Variants in FSIP2 observed in about 807,000 individuals in gnomAD.
The protein encoded by FSIP2 is fibrous sheath interacting protein 2.
A neutral mutation model predicts 510.5 loss-of-function variants in FSIP2; 367 were observed. The ratio of observed to expected loss-of-function variants is 0.72; its 90% CI spans 0.66 to 0.78. FSIP2 has a LOEUF of 0.78. Among genes scored for constraint, FSIP2 ranks in the 30% least tolerant of loss-of-function variants. FSIP2 has a pLI of 0.00. For missense variants in FSIP2, 7,594 were observed against 7,901.7 expected, an observed-to-expected ratio of 0.96 and a Z score of 1.48; for synonymous variants, 2,601 against 2,732.2, an observed-to-expected ratio of 0.95 and a Z score of 1.50.
chr2:185,795,001 CA>C lies in FSIP2; in HGVS notation c.7866del (p.Tyr2623IlefsTer6). The C allele has an allele frequency of 6.5e-7, 1 of 1,533,540 alleles. No homozygotes were observed. The highest frequency in any genetic ancestry group is 1.2e-5 in the South Asian group (1 of 83,748). The allele number at this position is 1,533,540 out of a possible 1,614,324, so 95.0% of individuals were successfully genotyped here. On this transcript the variant is annotated frameshift_variant, in exon 16 of 23. Transcript: ENST00000424728. LOFTEE classifies it high-confidence loss of function. Reference protein sequence around the residue: ...NISVMENTLLPYLPLQVKKDL... With the variant: ...NISVMENTLLXYLPLQVKKDL... ...TCTGTGATGGAAAACACTCTTTTGC[CA>C]TATTTACCATTGCAAGTGAAGAAAG...
At chr2:185,784,366 G>A (rs1692918030) in intron 14 of FSIP2, among the ~76,000 whole-genome samples, 1 of 151,878 alleles carries the variant, frequency 6.6e-6, no homozygotes, top group Admixed American at 6.6e-5. Context: ...TTATTTATTG[G>A]GTAATAGTCT....
rs767970677 is a variant in FSIP2 at position 185,739,286 on chromosome 2, TCTAAA to T, written c.100-50_100-46del. 200 of 1,459,516 alleles carry T rather than the reference TCTAAA, an allele frequency of 1.4e-4. No individual in the cohort carries two copies. In the East Asian group the frequency reaches 3.8e-3, roughly 28 times the overall value. The allele number at this position is 1,459,516 out of a possible 1,614,324, so 90.4% of individuals were successfully genotyped here. On this transcript the variant is annotated intron_variant, in intron 1 of 22. Transcript: ENST00000424728. ...TTTGGTTGCAATGGAAGTAGATTGGTCTAAACTAAACTAATACTGCCTAAAAGGAA... is the reference window on the plus strand; with the variant it reads ...TTTGGTTGCAATGGAAGTAGATTGGTCTAAACTAATACTGCCTAAAAGGAA...
Position 185,743,195 on chromosome 2 carries a change from A to G in FSIP2, c.288A>G (p.Gln96=). 4 of 1,531,008 alleles carry G rather than the reference A, an allele frequency of 2.6e-6. No homozygotes were observed. The highest frequency in any genetic ancestry group is 2.0e-5 in the Admixed American group (1 of 50,132). 94.8% of individuals were successfully genotyped at this position (1,531,008 alleles called of 1,614,324 possible). The part of the protein sequence containing the change: ...TDPYCRLLEN[Q]YKSLHDPHLK... ...CCTATTGTCGACTTTTGGAAAACCAATATAAAAGCCTCCATGATCCACATT... is the reference window on the plus strand; with the variant it reads ...CCTATTGTCGACTTTTGGAAAACCAGTATAAAAGCCTCCATGATCCACATT... Residue 96 remains glutamine, a synonymous_variant, in exon 3 of 23, where the codon CAA becomes CAG. Transcript: ENST00000424728.
In FSIP2 at chr2:185,808,245, G is replaced by A. The variant is rs779891734; in HGVS notation, c.18939G>A (p.Leu6313=). The change falls in exon 17 of 23, where the codon CTG becomes CTA. Residue 6313 remains leucine, a synonymous_variant. Coordinates refer to ENST00000424728, the MANE Select transcript of FSIP2 (RefSeq NM_173651.4). The part of the protein sequence containing the change: ...EEEVSNSELV[L]EAVKIMEKVI... ...AAGTATCAAATTCAGAATTAGTTCT[G>A]GAAGCTGTCAAAATTATGGAAAAAG... is the stretch of plus-strand genomic sequence containing the variant. 23 of 1,603,352 alleles carry A rather than the reference G, an allele frequency of 1.4e-5. 1 individual carries two copies. In the South Asian group the frequency reaches 1.9e-4, roughly 13 times the overall value.
In FSIP2 at chr2:185,761,955, A is replaced by G. The variant is rs1229265318; in HGVS notation, c.1195-17A>G. Reference sequence around the variant, plus strand: ...GTTACTAATGTAATTTTTTCTCTTCAATGTGGTACCATGTAGAGAGATGGG... The same window carrying G: ...GTTACTAATGTAATTTTTTCTCTTCGATGTGGTACCATGTAGAGAGATGGG... On this transcript the variant is annotated splice_polypyrimidine_tract_variant and intron_variant, in intron 10 of 22. Transcript: ENST00000424728. The G allele has an allele frequency of 1.4e-6, 2 of 1,417,346 alleles. No homozygotes were observed. The highest frequency in any genetic ancestry group is 2.1e-5 in the Admixed American group (1 of 46,842). The allele number at this position is 1,417,346 out of a possible 1,614,324, so 87.8% of individuals were successfully genotyped here.
At position 185,800,244 on chromosome 2, in the gene FSIP2, C is replaced by A. The variant is rs768464443; in HGVS notation, c.10938C>A (p.Asn3646Lys). The A allele has an allele frequency of 2.0e-6, 3 of 1,532,310 alleles. No individual in the cohort carries two copies. Among genetic ancestry groups the A allele is most frequent in the Middle Eastern group, 1.7e-4 (1 of 5,962 alleles). 94.9% of individuals were successfully genotyped at this position (1,532,310 alleles called of 1,614,324 possible). Residue 3646 changes from asparagine (N) to lysine (K), a missense_variant, in exon 17 of 23, where the codon AAC (asparagine) becomes AAA (lysine). Transcript: ENST00000424728. ...GAAATAATAGTGTACCCCTTTGCAACAAAATCAATAGACAGGCAAGCCCCA... is the reference window on the plus strand; with the variant it reads ...GAAATAATAGTGTACCCCTTTGCAAAAAAATCAATAGACAGGCAAGCCCCA... Reference protein sequence around the residue: ...MHRNNSVPLCNKINRQASPRD... With the variant: ...MHRNNSVPLCKKINRQASPRD...
Position 185,805,336 on chromosome 2 carries a change from G to T in FSIP2, c.16030G>T (p.Asp5344Tyr). The T allele has an allele frequency of 1.9e-6, 3 of 1,598,896 alleles. No homozygotes were observed. The East Asian group carries it at 6.7e-5, about 36-fold the overall frequency. The part of the protein sequence containing the change: ...AEKMFSFPPI[D>Y]KETVDKISNF... ...AAAAATGTTTTCTTTTCCACCAATTGATAAAGAGACAGTTGATAAAATATC... is the reference window on the plus strand; with the variant it reads ...AAAAATGTTTTCTTTTCCACCAATTTATAAAGAGACAGTTGATAAAATATC... The change falls in exon 17 of 23, where the codon GAT becomes TAT. Residue 5344 changes from aspartate to tyrosine, a missense_variant. Physicochemically the swap from Asp to Tyr is radical, Grantham distance 160. Transcript: ENST00000424728.
rs1693099320 is a variant in FSIP2 at position 185,790,629 on chromosome 2, A to G, written c.3493A>G (p.Thr1165Ala). The G allele has an allele frequency of 6.5e-7, 1 of 1,534,096 alleles. No homozygotes were observed. Among genetic ancestry groups the G allele is most frequent in the South Asian group, 1.2e-5 (1 of 84,018 alleles). The change falls in exon 16 of 23, where the codon ACA (threonine) becomes GCA (alanine). Residue 1165 changes from threonine (T) to alanine (A), a missense_variant. Transcript: ENST00000424728. ...GATGTTTTCTGTTTCAGAAATCAGT[A>G]CAGTGGCTCAAGAAATAACAGATTC... ...DQMFSVSEIS[T>A]VAQEITDSVL...
At chr2:185,816,234 AT>A (rs35727958) in intron 19 of FSIP2, among the ~76,000 whole-genome samples, 16 of 147,964 alleles carry the variant, frequency 1.1e-4, no homozygotes, top group African/African-American at 2.7e-4. Flanking sequence ...CTGGAATTGC[AT>A]TTTTTTTTTG....
chr2:185,817,773 C>A (rs1693850898), intron 19 of FSIP2, among the ~76,000 whole-genome samples: 1 of 151,834 alleles, frequency 6.6e-6, no homozygotes, highest in Admixed American at 6.6e-5. Flanking sequence ...ACCTACATGG[C>A]AAAGACTTTA....
chr2:185,738,506 C>A, upstream of FSIP2: 2 of 1,140,038 alleles, frequency 1.8e-6, no homozygotes, highest in Non-Finnish European at 1.2e-6. Context: ...AACAATCACT[C>A]GGGAATTTTT....
Position 185,801,670 on chromosome 2 carries a change from A to C in FSIP2, c.12364A>C (p.Thr4122Pro). The C allele has an allele frequency of 6.5e-7, 1 of 1,527,478 alleles. No individual in the cohort carries two copies. The highest frequency in any genetic ancestry group is 8.7e-7 in the Non-Finnish European group (1 of 1,142,886). 94.6% of individuals were successfully genotyped at this position (1,527,478 alleles called of 1,614,324 possible). The change falls in exon 17 of 23, where the codon ACA becomes CCA. Residue 4122 changes from threonine to proline, a missense_variant. Thr to Pro is a conservative substitution (Grantham distance 38, BLOSUM62 -1). Coordinates refer to ENST00000424728, the MANE Select transcript of FSIP2 (RefSeq NM_173651.4). Reference sequence around the variant, plus strand: ...ATTGCAAAAGCTTCAAAGTAACCTAACAGAATTTACTTCTCTACCCAGGTC... The same window carrying C: ...ATTGCAAAAGCTTCAAAGTAACCTACCAGAATTTACTTCTCTACCCAGGTC... The part of the protein sequence containing the change: ...IILQKLQSNL[T>P]EFTSLPRSSS...
rs538014217 is a variant in FSIP2, at chr2:185,804,874, T to C, written c.15568T>C (p.Leu5190=). 84 of 1,523,100 alleles carry C rather than the reference T, an allele frequency of 5.5e-5. No homozygotes were observed. The African/African-American group carries it at 9.3e-4, about 17-fold the overall frequency. The allele number at this position is 1,523,100 out of a possible 1,614,324, so 94.3% of individuals were successfully genotyped here. A position where few individuals can be genotyped will look rare whatever the true frequency, so the allele number is the denominator to read the frequency against. ...ESMQLEPIEN[L]VDSICNNILK... is the part of the protein sequence containing the mutation. ...TATGCAGTTAGAACCTATTGAAAAT[T>C]TGGTCGACTCCATATGTAATAATAT... The change falls in exon 17 of 23, where the codon TTG becomes CTG. Residue 5190 remains leucine (L), a synonymous_variant. Coordinates refer to ENST00000424728, the MANE Select transcript of FSIP2 (RefSeq NM_173651.4).
Position 185,813,922 on chromosome 2 carries a change from T to A in FSIP2, c.20205T>A (p.Asn6735Lys). Reference protein sequence around the residue: ...ANIESTEAISNQVIESKETHV... With the variant: ...ANIESTEAISKQVIESKETHV... ...TTGAAAGTACTGAAGCAATCTCAAA[T>A]CAGGTAATAGAATCCAAGGAGACAC... Residue 6735 changes from asparagine (N) to lysine (K), a missense_variant, in exon 18 of 23, where the codon AAT becomes AAA. Asn to Lys is a moderately conservative substitution (Grantham distance 94, BLOSUM62 0). Coordinates refer to ENST00000424728, the MANE Select transcript of FSIP2 (RefSeq NM_173651.4). 1 of 1,613,598 alleles carries A rather than the reference T, an allele frequency of 6.2e-7. No homozygotes were observed. The highest frequency in any genetic ancestry group is 8.5e-7 in the Non-Finnish European group (1 of 1,179,738).
At chr2:185,764,424 A>G (rs1032599736) in intron 12 of FSIP2, 78 bp from the exon 13 acceptor site, 4 of 736,152 alleles carry the variant, frequency 5.4e-6, no homozygotes, top group Non-Finnish European at 8.9e-6. Context: ...TACTATAAAT[A>G]TAGAAATAAT....
Position 185,795,070 on chromosome 2 carries a change from C to T in FSIP2, c.7934C>T (p.Ser2645Leu), listed in dbSNP as rs1046894197. ...CTCAATAAGATCACAAATTTTGTCT[C>T]ACTTCCTTTAAAGGTGAGCCCTAAG... is the stretch of plus-strand genomic sequence containing the variant. ...MVLNKITNFV[S>L]LPLKVSPKDN... is the part of the protein sequence containing the mutation. Residue 2645 changes from serine to leucine, a missense_variant, in exon 16 of 23, where the codon TCA becomes TTA. Physicochemically the swap from Ser to Leu is moderately radical, Grantham distance 145. Coordinates refer to ENST00000424728, the MANE Select transcript of FSIP2 (RefSeq NM_173651.4). The T allele has an allele frequency of 6.5e-7, 1 of 1,534,698 alleles. No individual in the cohort carries two copies.
chr2:185,746,201 C>A (rs1692029221), intron 5 of FSIP2, among the ~76,000 whole-genome samples: 1 of 151,978 alleles, frequency 6.6e-6, no homozygotes, highest in Non-Finnish European at 1.5e-5. Context: ...TACCAGAGAT[C>A]CAGACTACAG....
intron 13 of FSIP2, among the ~76,000 whole-genome samples, chr2:185,768,189 G>C (rs1692534999): frequency 6.6e-6 from 1 of 151,874 alleles, no homozygotes; most frequent in Non-Finnish European, 1.5e-5. Flanking sequence ...CAGATATATG[G>C]TTTACAAGTA....
At chr2:185,820,426 C>T (rs1395865045) in intron 19 of FSIP2, among the ~76,000 whole-genome samples, 1 of 151,272 alleles carries the variant, frequency 6.6e-6, no homozygotes, top group African/African-American at 2.4e-5. Context: ...TGAGAACAGA[C>T]TAATATAGAT....
Sources: allele counts gnomAD v4.1 joint callset (sites outside exome capture counted in the v4.1 genomes callset), GRCh38; gene constraint gnomAD v4.1.1; transcripts MANE v1.5; gene names NCBI Gene and HGNC (gene_info 2026-07-23, HGNC 2026-07-21).